The following KLHL17 variants were observed in gnomAD, a reference collection of about 807,000 sequenced individuals.
The protein encoded by KLHL17 is kelch like family member 17.
Under a neutral mutation model 64.6 loss-of-function variants are expected in KLHL17, and 71 were observed. That is an observed-to-expected ratio of 1.10 (90% CI 0.91 to 1.34). The LOEUF (loss-of-function observed/expected upper bound fraction) is 1.34. KLHL17 is among the 40% of genes most tolerant of loss of function. KLHL17 has a pLI of 0.00. For missense variants in KLHL17, 1,140 were observed against 935.0 expected, an observed-to-expected ratio of 1.22 and a Z score of -2.86; for synonymous variants, 612 against 405.4, an observed-to-expected ratio of 1.51 and a Z score of -6.12.
Position 960,730 on chromosome 1 carries a change from C to T in KLHL17, c.37C>T (p.Gln13Ter). The T allele has an allele frequency of 1.5e-6, 2 of 1,334,398 alleles. No individual in the cohort carries two copies. Among genetic ancestry groups the T allele is most frequent in the Non-Finnish European group, 9.7e-7 (1 of 1,035,174 alleles). The allele number at this position is 1,334,398 out of a possible 1,614,324, so 82.7% of individuals were successfully genotyped here. ...CAGCGAGCGCCCGGCCGGCAGGACGCAGAGCCCGGAGCACGGCAGCCCGGG... is the reference window on the plus strand; with the variant it reads ...CAGCGAGCGCCCGGCCGGCAGGACGTAGAGCCCGGAGCACGGCAGCCCGGG... The part of the protein sequence containing the change: ...PRSERPAGRT[Q>*]SPEHGSPGPG... The change falls in exon 1 of 12, where the codon CAG (glutamine) becomes TAG (stop). Residue 13 changes from glutamine to a stop codon, truncating the protein, a stop_gained. Transcript: ENST00000338591. LOFTEE classifies it high-confidence loss of function.
chr1:962,397 G>A lies in KLHL17; in HGVS notation c.754G>A (p.Glu252Lys), dbSNP rs1642699592. The change falls in exon 5 of 12, where the codon GAG (glutamate) becomes AAG (lysine). Residue 252 changes from glutamate (E) to lysine (K), a missense_variant. By Grantham distance (56) the Glu-to-Lys change is moderately conservative. Coordinates refer to ENST00000338591, the MANE Select transcript of KLHL17 (RefSeq NM_198317.3). Reference protein sequence around the residue: ...VSSDSLNVPSEEEVYRAVLSW... With the variant: ...VSSDSLNVPSKEEVYRAVLSW... ...TAGCGACAGCCTGAACGTGCCTTCA[G>A]AGGAGGAGGTCTACCGAGCCGTCCT... is the stretch of plus-strand genomic sequence containing the variant. The A allele has an allele frequency of 6.2e-7, 1 of 1,612,778 alleles. No individual in the cohort carries two copies. The highest frequency in any genetic ancestry group is 8.5e-7 in the Non-Finnish European group (1 of 1,179,928).
chr1:964,258 C>T (rs1642794960), intron 10 of KLHL17, 78 bp downstream of exon 10: 1 of 1,595,320 alleles, frequency 6.3e-7, no homozygotes, highest in Non-Finnish European at 8.6e-7. Context: ...CACATCCCCC[C>T]CATTCCTGAC....
At chr1:962,241 C>A in intron 4 of KLHL17, 114 bp from the exon 5 acceptor site, 1 of 1,542,598 alleles carries the variant, frequency 6.5e-7, no homozygotes, top group Non-Finnish European at 8.9e-7. Context: ...CTCGGCCCCT[C>A]CCAGTATGAA....
rs751897702 is a variant in KLHL17 at position 962,470 on chromosome 1, G to A, written c.827G>A (p.Arg276Gln). ...GACGCCCGCAGGCAGCATGTCCCAC[G>A]GGTGAGGCGCGGCCGCGGGGGGCTC... The part of the protein sequence containing the change: ...DVDARRQHVP[R>Q]LMKCVRLPLL... Residue 276 changes from arginine (R) to glutamine (Q), a missense_variant and splice_region_variant, in exon 5 of 12, where the codon CGG (arginine) becomes CAG (glutamine). By Grantham distance (43) the Arg-to-Gln change is conservative. Coordinates refer to ENST00000338591, the MANE Select transcript of KLHL17 (RefSeq NM_198317.3). The A allele has an allele frequency of 3.4e-5, 55 of 1,612,244 alleles. No individual in the cohort carries two copies. In the East Asian group the frequency reaches 5.3e-4, roughly 16 times the overall value.
chr1:962,175 C>A (rs776484757), intron 4 of KLHL17, 128 bp downstream of exon 4: 1 of 1,286,194 alleles, frequency 7.8e-7, no homozygotes, highest in Non-Finnish European at 1.1e-6. Context: ...TGTGTGTCCC[C>A]GAGACCTTTC....
At chr1:963,692 C>A (rs371486484) in intron 8 of KLHL17, 188 bp downstream of exon 8, 4 of 832,934 alleles carry the variant, frequency 4.8e-6, no homozygotes, top group African/African-American at 1.7e-5. Flanking sequence ...TTTCCTCTCT[C>A]GGGTCCTTAC....
intron 4 of KLHL17, 128 bp downstream of exon 4, chr1:962,175 C>G (rs776484757): frequency 7.8e-7 from 1 of 1,286,196 alleles, no homozygotes; most frequent in Admixed American, 2.0e-5. Flanking sequence ...TGTGTGTCCC[C>G]GAGACCTTTC....
rs6696971 is a variant in KLHL17 at position 962,358 on chromosome 1, C to T, written c.715C>T (p.Leu239=). The change falls in exon 5 of 12, where the codon CTG becomes TTG. Residue 239 remains leucine, a synonymous_variant. Coordinates refer to ENST00000338591, the MANE Select transcript of KLHL17 (RefSeq NM_198317.3). The part of the protein sequence containing the change: ...EFMLLPLKQV[L]ELVSSDSLNV... ...GTCTGAGGACCCCCACTCCCAGGTT[C>T]TGGAACTGGTCTCTAGCGACAGCCT... The T allele has an allele frequency of 0.072, 115,614 of 1,612,472 alleles. 4,734 individuals carry two copies. Among genetic ancestry groups the T allele is most frequent in the African/African-American group, 0.18 (13,769 of 74,984 alleles).
rs760787918 is a variant in KLHL17 at position 963,176 on chromosome 1, C to G, written c.1110C>G (p.His370Gln). ...ACGACACGCGCACCGACCGCTGGCA[C>G]GTGGTGGCCTCCATGTCCACGCGCC... The part of the protein sequence containing the change: ...EAYDTRTDRW[H>Q]VVASMSTRRA... Residue 370 changes from histidine (H) to glutamine (Q), a missense_variant, in exon 7 of 12, where the codon CAC becomes CAG. By Grantham distance (24) the His-to-Gln change is conservative. Transcript: ENST00000338591. The G allele has an allele frequency of 4.3e-6, 7 of 1,609,842 alleles. No homozygotes were observed. In the African/African-American group the frequency reaches 9.3e-5, roughly 21 times the overall value.
rs1487759473 is a variant in KLHL17 at position 961,715 on chromosome 1, A to T, written c.454A>T (p.Thr152Ser). 1 of 1,612,158 alleles carries T rather than the reference A, an allele frequency of 6.2e-7. No individual in the cohort carries two copies. Among genetic ancestry groups the T allele is most frequent in the Non-Finnish European group, 8.5e-7 (1 of 1,179,500 alleles). The change falls in exon 3 of 12, where the codon ACG becomes TCG. Residue 152 changes from threonine (T) to serine (S), a missense_variant. Thr to Ser is a moderately conservative substitution (Grantham distance 58). Transcript: ENST00000338591. ...ALDQLVQFAY[T>S]AEIVVGEGNV... ...GGACCAGCTGGTGCAGTTTGCCTAC[A>T]CGGCTGAGATTGTGGTGGGCGAGGG...
Position 963,214 on chromosome 1 carries a change from G to T in KLHL17, c.1148G>T (p.Gly383Val). ...ASMSTRRARV[G>V]VAAVGNRLYA... ...ATGTCCACGCGCCGGGCCCGGGTGG[G>T]AGTGGCTGCGGTGGGGAACCGGCTC... Residue 383 changes from glycine to valine, a missense_variant, in exon 7 of 12, where the codon GGA becomes GTA. Transcript: ENST00000338591. 6.2e-7 allele frequency: 1 copy of T among 1,607,732 alleles called. No homozygotes were observed. Among genetic ancestry groups the T allele is most frequent in the Non-Finnish European group, 8.5e-7 (1 of 1,176,372 alleles).
At position 961,610 on chromosome 1, in the gene KLHL17, T is replaced by C. The variant is rs1368821470; in HGVS notation, c.368-19T>C. 2 of 1,612,762 alleles carry C rather than the reference T, an allele frequency of 1.2e-6. No homozygotes were observed. Among genetic ancestry groups the C allele is most frequent in the Non-Finnish European group, 1.7e-6 (2 of 1,179,956 alleles). On this transcript the variant is annotated intron_variant, in intron 2 of 11. Transcript: ENST00000338591. Reference sequence around the variant, plus strand: ...CGTGGGTCCCTCGGGTCAGCTCGTGTAACCCGCTGTCCCCGCAGATGAGAT... The same window carrying C: ...CGTGGGTCCCTCGGGTCAGCTCGTGCAACCCGCTGTCCCCGCAGATGAGAT...
intron 10 of KLHL17, 23 bp downstream of exon 10, chr1:964,203 C>T (rs753397910): frequency 4.3e-6 from 7 of 1,611,634 alleles, no homozygotes; most frequent in Middle Eastern, 1.7e-4. Context: ...CCCCTCCTGG[C>T]CACCCCCTCC....
In KLHL17 at chr1:963,176, C is replaced by T. The variant is rs760787918; in HGVS notation, c.1110C>T (p.His370=). The change falls in exon 7 of 12, where the codon CAC becomes CAT. Residue 370 remains histidine, a synonymous_variant. Transcript: ENST00000338591. The part of the protein sequence containing the change: ...EAYDTRTDRW[H]VVASMSTRRA... ...ACGACACGCGCACCGACCGCTGGCA[C>T]GTGGTGGCCTCCATGTCCACGCGCC... 1.7e-5 allele frequency: 28 copies of T among 1,609,842 alleles called. No individual in the cohort carries two copies. The highest frequency in any genetic ancestry group is 1.5e-4 in the Admixed American group (9 of 59,884).
At chr1:962,213 C>T (rs759352717) in intron 4 of KLHL17, 142 bp from the exon 5 acceptor site, 4 of 1,389,930 alleles carry the variant, frequency 2.9e-6, no homozygotes, top group African/African-American at 1.4e-5. Flanking sequence ...GGAGCCTCGT[C>T]TGTGGCTCCT....
At chr1:962,333 G>A (rs1557630897) in intron 4 of KLHL17, 22 bp from the exon 5 acceptor site, 2 of 1,612,248 alleles carry the variant, frequency 1.2e-6, no homozygotes, top group South Asian at 2.2e-5. Context: ...CAGATCTCAG[G>A]TCTGAGGACC....
chr1:962,844 G>C lies in KLHL17; in HGVS notation c.969G>C (p.Gln323His). 1 of 1,600,790 alleles carries C rather than the reference G, an allele frequency of 6.2e-7. No homozygotes were observed. The highest frequency in any genetic ancestry group is 1.1e-5 in the South Asian group (1 of 90,332). ...TGAAGTTCCACCTGCTGCCTGAGCAGAGGGGCGTCCTAGGCACCAGCCGCA... is the reference window on the plus strand; with the variant it reads ...TGAAGTTCCACCTGCTGCCTGAGCACAGGGGCGTCCTAGGCACCAGCCGCA... ...EALKFHLLPE[Q>H]RGVLGTSRTR... Residue 323 changes from glutamine to histidine, a missense_variant, in exon 6 of 12, where the codon CAG (glutamine) becomes CAC (histidine). Coordinates refer to ENST00000338591, the MANE Select transcript of KLHL17 (RefSeq NM_198317.3).
Position 961,829 on chromosome 1 carries a change from C to G in KLHL17, c.493C>G (p.Leu165Val). ...CCTGCCTCTCGGTGCCCCGTAGACTCTGCTCCCAGCCGCCAGTCTCCTGCA... is the reference window on the plus strand; with the variant it reads ...CCTGCCTCTCGGTGCCCCGTAGACTGTGCTCCCAGCCGCCAGTCTCCTGCA... Reference protein sequence around the residue: ...IVVGEGNVQTLLPAASLLQLN... With the variant: ...IVVGEGNVQTVLPAASLLQLN... Residue 165 changes from leucine (L) to valine (V), a missense_variant, in exon 4 of 12, where the codon CTG becomes GTG. Physicochemically the swap from Leu to Val is conservative, Grantham distance 32. Coordinates refer to ENST00000338591, the MANE Select transcript of KLHL17 (RefSeq NM_198317.3). 1.2e-6 allele frequency: 2 copies of G among 1,610,420 alleles called. No individual in the cohort carries two copies. The highest frequency in any genetic ancestry group is 2.2e-5 in the East Asian group (1 of 44,870).
rs746781441 is a variant in KLHL17 at position 964,340 on chromosome 1, C to T, written c.1519-9C>T. On this transcript the variant is annotated splice_polypyrimidine_tract_variant and intron_variant, in intron 10 of 11. Transcript: ENST00000338591. ...CGGGTCTGCGTCCAGCCCACGCCCT[C>T]GCCCCCAGGTGAACGTGTGGTCGCC... 29 of 1,554,618 alleles carry T rather than the reference C, an allele frequency of 1.9e-5. No homozygotes were observed. Among genetic ancestry groups the T allele is most frequent in the Admixed American group, 1.5e-4 (8 of 51,706 alleles).
Sources: gnomAD v4.1 joint callset for allele counts on GRCh38, gnomAD v4.1.1 for gene constraint, MANE v1.5 for transcripts, NCBI Gene and HGNC (gene_info 2026-07-23, HGNC 2026-07-21) for gene names.